NOX4: variants seen among roughly 807,000 people sequenced by gnomAD.
NOX4 encodes kidney oxidase-1.
In NOX4, 69 loss-of-function variants were observed where a neutral mutation model predicts 87.6. That is an observed-to-expected ratio of 0.79 (90% CI 0.65 to 0.96). The LOEUF (loss-of-function observed/expected upper bound fraction) is 0.96. NOX4 is among the 40% of genes least tolerant of loss of function. The pLI is 0.00. For synonymous variants in NOX4, 275 were observed against 238.2 expected (o/e 1.15, Z -1.42); for missense variants, 680 against 681.5 (o/e 1.00, Z 0.02).
chr11:89,539,127 A>T, the NOX4 span, among the ~76,000 whole-genome samples: 2 of 152,072 alleles, frequency 1.3e-5, no homozygotes, highest in East Asian at 3.9e-4. Flanking sequence ...CAGCAGTCAC[A>T]AATAAAAAAA....
chr11:89,351,584 G>A (rs909342580), intron 13 of NOX4, among the ~76,000 whole-genome samples: 16 of 152,294 alleles, frequency 1.1e-4, no homozygotes, highest in Admixed American at 9.8e-4. Context: ...ATGGACTAAT[G>A]TAGCTGGTCA....
At chr11:89,341,475 A>G (rs1945999565) in intron 14 of NOX4, among the ~76,000 whole-genome samples, 1 of 152,170 alleles carries the variant, frequency 6.6e-6, no homozygotes, top group African/African-American at 2.4e-5. Context: ...TTTGCTAAGT[A>G]ATAAATGAAG....
the NOX4 span, among the ~76,000 whole-genome samples, chr11:89,526,813 G>T: frequency 6.6e-6 from 1 of 152,150 alleles, no homozygotes; most frequent in South Asian, 2.1e-4. Flanking sequence ...CCCAGTCCCA[G>T]GCAGTTCTTT....
At chr11:89,487,281 AT>A (rs111569083) in intron 2 of NOX4, among the ~76,000 whole-genome samples, 3 of 152,314 alleles carry the variant, frequency 2.0e-5, no homozygotes, top group African/African-American at 7.2e-5. Context: ...TAAACAAAAC[AT>A]TTGTAAAATT....
intron 14 of NOX4, among the ~76,000 whole-genome samples, chr11:89,341,338 G>C (rs12788356): frequency 6.6e-6 from 1 of 152,004 alleles, no homozygotes; most frequent in African/African-American, 2.4e-5. Context: ...GGCCAGGCTG[G>C]TCTTGAACTC....
chr11:89,573,285 C>T, the NOX4 span, among the ~76,000 whole-genome samples: 1 of 152,168 alleles, frequency 6.6e-6, no homozygotes, highest in Non-Finnish European at 1.5e-5. Flanking sequence ...TGCCTGTAAT[C>T]CCAGCACTTT....
the NOX4 span, among the ~76,000 whole-genome samples, chr11:89,567,993 A>T: frequency 6.6e-6 from 1 of 152,188 alleles, no homozygotes; most frequent in African/African-American, 2.4e-5. Flanking sequence ...AGCACCCCTT[A>T]TCAGAGTACT....
In NOX4 at chr11:89,342,101, G is replaced by A. The variant is rs1946030736; in HGVS notation, c.1310C>T (p.Pro437Leu). ...LCVAGGIGVTPFASILNTLLD... is the reference protein window; with the variant it reads ...LCVAGGIGVTLFASILNTLLD... ...CAGGGTGTTGAGTATTGATGCAAAT[G>A]GAGTTACTCCAATGCCTCCAGCCAC... The change falls in exon 14 of 18, where the codon CCA (proline) becomes CTA (leucine). Residue 437 changes from proline to leucine, a missense_variant. Physicochemically the swap from Pro to Leu is moderately conservative, Grantham distance 98 (BLOSUM62 -3). Transcript: ENST00000263317. 1.9e-6 allele frequency: 3 copies of A among 1,613,180 alleles called. No homozygotes were observed. Among genetic ancestry groups the A allele is most frequent in the African/African-American group, 1.3e-5 (1 of 74,906 alleles).
chr11:89,458,716 C>T (rs1945319136), intron 2 of NOX4, among the ~76,000 whole-genome samples: 1 of 152,098 alleles, frequency 6.6e-6, no homozygotes, highest in Non-Finnish European at 1.5e-5. Context: ...TTCAACATCA[C>T]TAATTATTAG....
chr11:89,451,309 T>G (rs1306107458), intron 3 of NOX4, among the ~76,000 whole-genome samples: 1 of 152,202 alleles, frequency 6.6e-6, no homozygotes, highest in Non-Finnish European at 1.5e-5. Flanking sequence ...AATCATTTCA[T>G]GTATTGCTCA....
chr11:89,466,827 G>A (rs2135430829), intron 2 of NOX4, among the ~76,000 whole-genome samples: 1 of 152,194 alleles, frequency 6.6e-6, no homozygotes, highest in African/African-American at 2.4e-5. Flanking sequence ...AAGTATAAAG[G>A]AAACTGAGAT....
intron 12 of NOX4, among the ~76,000 whole-genome samples, chr11:89,366,794 G>A (rs750403910): frequency 3.3e-5 from 5 of 151,570 alleles, no homozygotes; most frequent in Non-Finnish European, 5.9e-5. Flanking sequence ...TGGCTGGAAC[G>A]AATAAAACTT....
the NOX4 span, among the ~76,000 whole-genome samples, chr11:89,580,461 A>T: frequency 0.34 from 51,035 of 152,066 alleles, 8,885 homozygotes; most frequent in Middle Eastern, 0.4. Flanking sequence ...GTATTGCATG[A>T]GTGAGCTACT....
intron 6 of NOX4, among the ~76,000 whole-genome samples, chr11:89,437,619 T>A (rs931967543): frequency 6.6e-6 from 1 of 152,016 alleles, no homozygotes; most frequent in African/African-American, 2.4e-5. Context: ...CTGAATTGGG[T>A]GAGTCAAATT....
chr11:89,451,614 G>A (rs1257971493), intron 3 of NOX4, among the ~76,000 whole-genome samples, 171 bp downstream of exon 3: 3 of 152,050 alleles, frequency 2.0e-5, no homozygotes, highest in Non-Finnish European at 4.4e-5. Context: ...CCCTTATCTG[G>A]TATTGCAGAA....
intron 11 of NOX4, among the ~76,000 whole-genome samples, chr11:89,389,832 A>G (rs1440837122): frequency 6.6e-6 from 1 of 152,136 alleles, no homozygotes; most frequent in African/African-American, 2.4e-5. Context: ...CTCTACCTCA[A>G]CTAAATGTGT....
Position 89,421,897 on chromosome 11 carries a change from C to T in NOX4, c.629+5G>A. ...GGTTTTAAATACATACATTTGTAAACTTACCCTGAAACATGCAACGTCAGC... is the reference window on the plus strand; with the variant it reads ...GGTTTTAAATACATACATTTGTAAATTTACCCTGAAACATGCAACGTCAGC... On this transcript the variant is annotated splice_donor_5th_base_variant and intron_variant, in intron 8 of 17. Coordinates refer to ENST00000263317, the MANE Select transcript of NOX4 (RefSeq NM_016931.5). 6.4e-7 allele frequency: 1 copy of T among 1,551,528 alleles called. No homozygotes were observed.
rs572354912 is a variant in NOX4, at chr11:89,477,972, G to A, written c.153+12486C>T. ...AACTAGAAGGTATTTTCTCTTAACTGTTGGAAATTTTTATAATCATTAACA... is the reference window on the plus strand; with the variant it reads ...AACTAGAAGGTATTTTCTCTTAACTATTGGAAATTTTTATAATCATTAACA... On this transcript the variant is annotated intron_variant, in intron 2 of 17. Coordinates refer to ENST00000263317, the MANE Select transcript of NOX4 (RefSeq NM_016931.5). Among the ~76,000 whole-genome samples, 3 of 152,128 alleles carry A rather than the reference G, an allele frequency of 2.0e-5. No homozygotes were observed. In the South Asian group the frequency reaches 6.2e-4, roughly 32 times the overall value.
At chr11:89,363,061 AT>A (rs1245716285) in intron 12 of NOX4, among the ~76,000 whole-genome samples, 1 of 152,118 alleles carries the variant, frequency 6.6e-6, no homozygotes, top group African/African-American at 2.4e-5. Flanking sequence ...TTGTAATTGC[AT>A]TCTAAATTAT....
Sources: allele counts gnomAD v4.1 joint callset (sites outside exome capture counted in the v4.1 genomes callset), GRCh38; gene constraint gnomAD v4.1.1; transcripts MANE v1.5; gene names NCBI Gene and HGNC (gene_info 2026-07-23, HGNC 2026-07-21).